Variants in TMEM63C observed in about 807,000 individuals in gnomAD.
TMEM63C encodes the protein osmosensitive cation channel TMEM63C.
Under a neutral mutation model 99.2 loss-of-function variants are expected in TMEM63C, and 32 were observed. That is an observed-to-expected ratio of 0.32 (90% confidence interval 0.24 to 0.43). The LOEUF is 0.43. Ranked by LOEUF, TMEM63C falls within the 20% of genes least tolerant of loss-of-function variation. The pLI is 1.00. For synonymous variants in TMEM63C, 376 were observed against 397.9 expected, an observed-to-expected ratio of 0.94 and a Z score of 0.66; for missense variants, 826 against 1,053.0, an observed-to-expected ratio of 0.78 and a Z score of 2.98.
chr14:77,213,812 G>A (rs1888532590), intron 2 of TMEM63C, among the ~76,000 whole-genome samples: 1 of 152,050 alleles, frequency 6.6e-6, no homozygotes, highest in Admixed American at 6.5e-5. Flanking sequence ...TTAGCCACCT[G>A]GGGTAGAAAC....
Position 77,246,786 on chromosome 14 carries a change from G to A in TMEM63C, c.1601+112G>A, listed in dbSNP as rs1253972744. The A allele has an allele frequency of 8.4e-6, 7 of 836,272 alleles. No individual in the cohort carries two copies. In the East Asian group the frequency reaches 1.9e-4, roughly 23 times the overall value. 51.8% of individuals were successfully genotyped at this position (836,272 alleles called of 1,614,324 possible). The stretch of plus-strand genomic sequence containing the variant: ...TTTGCTCACAGAAGTGTAGACAAAT[G>A]CTTGTGAACACCCTCACTGGGCAGA... On this transcript the variant is annotated intron_variant, in intron 18 of 23. Transcript: ENST00000298351.
intron 16 of TMEM63C, 124 bp downstream of exon 16, chr14:77,244,579 G>A: frequency 1.4e-6 from 1 of 739,026 alleles, no homozygotes; most frequent in Admixed American, 2.3e-5. Context: ...GATAAGGGAT[G>A]GTTTTGATAC....
chr14:77,202,590 T>G (rs1888316836), intron 1 of TMEM63C, among the ~76,000 whole-genome samples: 1 of 152,142 alleles, frequency 6.6e-6, no homozygotes, highest in Admixed American at 6.5e-5. Flanking sequence ...GCTGTCTCAT[T>G]CCAGTCTCTC....
intron 18 of TMEM63C, among the ~76,000 whole-genome samples, 167 bp from the exon 19 acceptor site, chr14:77,248,180 G>C (rs1889295579): frequency 6.6e-6 from 1 of 152,132 alleles, no homozygotes; most frequent in Non-Finnish European, 1.5e-5. Context: ...TATTATAGGA[G>C]AGAGACAGAG....
intron 1 of TMEM63C, among the ~76,000 whole-genome samples, chr14:77,187,192 C>A (rs1888017545): frequency 2.0e-5 from 3 of 152,228 alleles, no homozygotes; most frequent in African/African-American, 7.2e-5. Flanking sequence ...CATGGCCAGT[C>A]TGTGTCCAGG....
intron 2 of TMEM63C, 51 bp from the exon 3 acceptor site, chr14:77,218,748 TGC>T: frequency 6.3e-7 from 1 of 1,587,302 alleles, no homozygotes; most frequent in Non-Finnish European, 8.6e-7. Flanking sequence ...TTCTGTGTTT[TGC>T]AAAATGCAAG....
chr14:77,256,643 G>A lies in TMEM63C; in HGVS notation c.2338G>A (p.Gly780Ser). Residue 780 changes from glycine (G) to serine (S), a missense_variant, in exon 24 of 24, where the codon GGT becomes AGT. Gly to Ser is a moderately conservative substitution (Grantham distance 56). Transcript: ENST00000298351. The part of the protein sequence containing the change: ...NQPEEGEEES[G>S]LRGFARELDS... The stretch of plus-strand genomic sequence containing the variant: ...GCCGGAAGAGGGAGAAGAAGAGAGT[G>A]GTCTGAGGGGCTTTGCGAGGGAGCT... 6.2e-7 allele frequency: 1 copy of A among 1,614,000 alleles called. No individual in the cohort carries two copies. Among genetic ancestry groups the A allele is most frequent in the Non-Finnish European group, 8.5e-7 (1 of 1,179,884 alleles).
chr14:77,236,526 C>A, intron 8 of TMEM63C, 98 bp from the exon 9 acceptor site: 1 of 838,682 alleles, frequency 1.2e-6, no homozygotes, highest in East Asian at 2.6e-5. Context: ...TGGGGGGCCC[C>A]AGGAGACTGA....
chr14:77,208,987 A>G (rs1206462197), intron 1 of TMEM63C, among the ~76,000 whole-genome samples: 1 of 152,026 alleles, frequency 6.6e-6, no homozygotes, highest in Non-Finnish European at 1.5e-5. Context: ...CTCTCACCCC[A>G]TGCTGAGGCT....
intron 13 of TMEM63C, 49 bp from the exon 14 acceptor site, chr14:77,242,298 T>G: frequency 4.2e-5 from 59 of 1,416,754 alleles, no homozygotes; most frequent in Middle Eastern, 3.8e-4. Context: ...CCTAAGCCCA[T>G]CCCCCCACCC....
At chr14:77,186,187 GTT>G (rs1887991787) in intron 1 of TMEM63C, among the ~76,000 whole-genome samples, 1 of 151,994 alleles carries the variant, frequency 6.6e-6, no homozygotes, top group Non-Finnish European at 1.5e-5. Flanking sequence ...ATTTCTTTGT[GTT>G]TTTGGTAGAG....
chr14:77,253,344 C>G lies in TMEM63C; in HGVS notation c.2188C>G (p.Pro730Ala), dbSNP rs1889404373. Residue 730 changes from proline to alanine, a missense_variant, in exon 23 of 24, where the codon CCA becomes GCA. Transcript: ENST00000298351. ...GATCCAGACAGTGTTTGACATGGAG[C>G]CAAGCAGCACCTCCTCCACGCCCAC... The part of the protein sequence containing the change: ...EEIQTVFDME[P>A]SSTSSTPTSL... The G allele has an allele frequency of 6.2e-7, 1 of 1,612,904 alleles. No homozygotes were observed. The highest frequency in any genetic ancestry group is 1.3e-5 in the African/African-American group (1 of 75,026).
chr14:77,222,662 C>T (rs781639119), intron 5 of TMEM63C, among the ~76,000 whole-genome samples: 1 of 152,190 alleles, frequency 6.6e-6, no homozygotes, highest in African/African-American at 2.4e-5. Flanking sequence ...ACAGGGCCAC[C>T]TGCTTCCCTC....
chr14:77,215,600 CAA>C (rs796730995), intron 2 of TMEM63C, among the ~76,000 whole-genome samples: 4 of 82,414 alleles, frequency 4.9e-5, no homozygotes, highest in African/African-American at 2.0e-4. Flanking sequence ...GACTCTGTCT[CAA>C]AAAAAAAAAA....
At chr14:77,219,034 G>A in intron 3 of TMEM63C, 71 bp downstream of exon 3, 5 of 1,416,582 alleles carry the variant, frequency 3.5e-6, no homozygotes, top group Non-Finnish European at 4.6e-6. Context: ...AGGTGATGCA[G>A]TGGGGGACCC....
intron 1 of TMEM63C, among the ~76,000 whole-genome samples, chr14:77,197,742 A>G (rs1888235702): frequency 6.6e-6 from 1 of 152,246 alleles, no homozygotes; most frequent in Non-Finnish European, 1.5e-5. Context: ...TGTCTAGTTA[A>G]TGACTGTGCC....
intron 6 of TMEM63C, among the ~76,000 whole-genome samples, chr14:77,228,025 G>A (rs927279661): frequency 6.6e-6 from 1 of 152,178 alleles, no homozygotes. Context: ...GTGGGTGGAC[G>A]CAGGTGCATG....
rs757294255 is a variant in TMEM63C at position 77,239,511 on chromosome 14, C to T, written c.806+19C>T. 6.2e-7 allele frequency: 1 copy of T among 1,612,922 alleles called. No homozygotes were observed. Among genetic ancestry groups the T allele is most frequent in the Admixed American group, 1.7e-5 (1 of 60,006 alleles). On this transcript the variant is annotated intron_variant, in intron 11 of 23. Coordinates refer to ENST00000298351, the MANE Select transcript of TMEM63C (RefSeq NM_020431.4). ...ATCAGAGGTGAGGCTGCAGCGGGGC[C>T]TTTTGGGGCCCGGGGTGGGGGTAAA... is the stretch of plus-strand genomic sequence containing the variant.
chr14:77,219,854 C>T (rs942654077), intron 4 of TMEM63C, among the ~76,000 whole-genome samples, 152 bp from the exon 5 acceptor site: 36 of 152,360 alleles, frequency 2.4e-4, no homozygotes, highest in East Asian at 7.7e-4. Context: ...CTGTCTGTGC[C>T]CAGAGCTGTG....
Sources: gnomAD v4.1 joint callset for allele counts (sites outside exome capture counted in the v4.1 genomes callset) on GRCh38, gnomAD v4.1.1 for gene constraint, MANE v1.5 for transcripts, NCBI Gene and HGNC (gene_info 2026-07-23, HGNC 2026-07-21) for gene names.